Variants in CCDC73 observed in about 807,000 individuals in gnomAD.
CCDC73 encodes coiled-coil domain-containing protein 73.
Under a neutral mutation model 116.5 loss-of-function variants are expected in CCDC73, and 95 were observed. The ratio of observed to expected loss-of-function variants is 0.82; its 90% CI spans 0.69 to 0.97. The LOEUF (loss-of-function observed/expected upper bound fraction) is 0.97, where lower values mean the gene tolerates loss of function less well. Ranked by LOEUF, CCDC73 falls within the 50% of genes least tolerant of loss-of-function variation. The probability of loss-of-function intolerance (pLI) is 0.00; values close to 1 mark genes in which losing one functional copy is unlikely to be tolerated. For synonymous variants in CCDC73, 398 were observed against 401.3 expected (o/e 0.99, Z 0.10); for missense variants, 1,066 against 1,206.8 (o/e 0.88, Z 1.73).
intron 9 of CCDC73, among the ~76,000 whole-genome samples, chr11:32,665,737 C>T (rs1472094636): frequency 1.3e-5 from 2 of 152,150 alleles, no homozygotes; most frequent in Non-Finnish European, 2.9e-5. Context: ...TTAGTTGATG[C>T]AGTTTCTTCC....
chr11:32,758,966 T>A (rs868572758), intron 2 of CCDC73, among the ~76,000 whole-genome samples: 1 of 152,252 alleles, frequency 6.6e-6, no homozygotes, highest in Middle Eastern at 3.4e-3. Flanking sequence ...AATTTTGTTA[T>A]TGTAACAATA....
rs556117711 is a variant in CCDC73, at chr11:32,643,049, TA to T, written c.940-968del. ...CACTGTTCTGTCATCTGCTTTTCTTTAAAAAAAAAAGTTTTGCTTACTTTCC... is the reference window on the plus strand; with the variant it reads ...CACTGTTCTGTCATCTGCTTTTCTTTAAAAAAAAAGTTTTGCTTACTTTCC... On this transcript the variant is annotated intron_variant, in intron 12 of 17. Transcript: ENST00000335185. 1.1e-3 allele frequency among the ~76,000 whole-genome samples: 164 copies of T among 148,160 alleles called. 1 individual carries two copies. Among genetic ancestry groups the T allele is most frequent in the African/African-American group, 3.3e-3 (134 of 40,608 alleles).
At chr11:32,789,277 C>G (rs960730966) in intron 1 of CCDC73, among the ~76,000 whole-genome samples, 1 of 152,186 alleles carries the variant, frequency 6.6e-6, no homozygotes, top group Non-Finnish European at 1.5e-5. Flanking sequence ...GTACAAAAAT[C>G]ACTGAGTTTC....
upstream of CCDC73, among the ~76,000 whole-genome samples, chr11:32,799,291 T>C (rs1590654244): frequency 6.6e-6 from 1 of 151,902 alleles, no homozygotes; most frequent in Non-Finnish European, 1.5e-5. Flanking sequence ...GGGGTTTCAC[T>C]ATGTTGGCCA....
chr11:32,747,115 G>A (rs1299925091), intron 2 of CCDC73, among the ~76,000 whole-genome samples: 3 of 152,156 alleles, frequency 2.0e-5, no homozygotes, highest in African/African-American at 7.2e-5. Context: ...GTTTTGGTGT[G>A]AACGTCCTTT....
At chr11:32,785,657 G>A (rs1334679192) in intron 1 of CCDC73, among the ~76,000 whole-genome samples, 1 of 151,970 alleles carries the variant, frequency 6.6e-6, no homozygotes, top group South Asian at 2.1e-4. Context: ...CTCCTGCCTC[G>A]GCCTCCAAAG....
chr11:32,655,783 T>C (rs1855866013), intron 9 of CCDC73, among the ~76,000 whole-genome samples: 1 of 152,162 alleles, frequency 6.6e-6, no homozygotes, highest in African/African-American at 2.4e-5. Flanking sequence ...TTTAGAAAAA[T>C]AACTCTGGCA....
intron 2 of CCDC73, among the ~76,000 whole-genome samples, chr11:32,733,298 A>G (rs1850096726): frequency 6.6e-6 from 1 of 152,232 alleles, no homozygotes; most frequent in Admixed American, 6.5e-5. Context: ...AAAGAGACTT[A>G]GACTCCCACA....
intron 12 of CCDC73, among the ~76,000 whole-genome samples, chr11:32,644,698 G>A (rs548267567): frequency 6.6e-6 from 1 of 152,238 alleles, no homozygotes; most frequent in Non-Finnish European, 1.5e-5. Context: ...GTAACTCCCA[G>A]AAGATATAGA....
chr11:32,761,152 C>T (rs1397444298), intron 1 of CCDC73, among the ~76,000 whole-genome samples: 1 of 152,104 alleles, frequency 6.6e-6, no homozygotes, highest in East Asian at 1.9e-4. Flanking sequence ...AAATACTAAT[C>T]TGTTATCTAT....
chr11:32,779,619 A>G (rs1483924521), intron 1 of CCDC73, among the ~76,000 whole-genome samples: 1 of 152,146 alleles, frequency 6.6e-6, no homozygotes, highest in Non-Finnish European at 1.5e-5. Flanking sequence ...TCCTGACAAG[A>G]GTCCTAAAGT....
the CCDC73 span, among the ~76,000 whole-genome samples, chr11:32,813,831 A>G: frequency 8.5e-5 from 13 of 152,294 alleles, no homozygotes; most frequent in African/African-American, 2.4e-4. Flanking sequence ...CTGGTAGAGC[A>G]ACTCTCCCTC....
At chr11:32,725,600 C>T (rs1400953014) in intron 2 of CCDC73, among the ~76,000 whole-genome samples, 1 of 152,128 alleles carries the variant, frequency 6.6e-6, no homozygotes, top group African/African-American at 2.4e-5. Flanking sequence ...TTCATTTCAG[C>T]TAACTTATTA....
intron 12 of CCDC73, among the ~76,000 whole-genome samples, chr11:32,644,554 C>T (rs1319961859): frequency 2.0e-5 from 3 of 152,160 alleles, no homozygotes; most frequent in Non-Finnish European, 4.4e-5. Flanking sequence ...AGTATATTCA[C>T]AATGTTGTAC....
intron 1 of CCDC73, among the ~76,000 whole-genome samples, chr11:32,791,075 T>A (rs1353159395): frequency 1.3e-5 from 2 of 152,214 alleles, no homozygotes; most frequent in Non-Finnish European, 2.9e-5. Context: ...AAGTTTTAGT[T>A]TTATATGAAA....
chr11:32,618,681 C>A (rs1855496025), intron 14 of CCDC73, among the ~76,000 whole-genome samples: 1 of 152,032 alleles, frequency 6.6e-6, no homozygotes, highest in Non-Finnish European at 1.5e-5. Flanking sequence ...GCCTCCCAAG[C>A]AGTTGGGAGT....
chr11:32,807,266 C>T, the CCDC73 span, among the ~76,000 whole-genome samples: 1 of 152,278 alleles, frequency 6.6e-6, no homozygotes, highest in African/African-American at 2.4e-5. Context: ...GCTGTTTACT[C>T]GTATAGCTTC....
intron 2 of CCDC73, among the ~76,000 whole-genome samples, chr11:32,720,457 T>C (rs1002211247): frequency 6.6e-6 from 1 of 152,138 alleles, no homozygotes; most frequent in African/African-American, 2.4e-5. Context: ...CCCTTTAAGA[T>C]CAGAAACAAT....
chr11:32,767,920 C>A (rs1850457481), intron 1 of CCDC73, among the ~76,000 whole-genome samples: 1 of 152,174 alleles, frequency 6.6e-6, no homozygotes, highest in African/African-American at 2.4e-5. Flanking sequence ...GTGGCGATTC[C>A]TCAAGGATCT....
Sources: allele counts gnomAD v4.1 joint callset (sites outside exome capture counted in the v4.1 genomes callset), GRCh38; gene constraint gnomAD v4.1.1; transcripts MANE v1.5; gene names NCBI Gene and HGNC (gene_info 2026-07-23, HGNC 2026-07-21).